Variants in DTNA observed in about 807,000 individuals in gnomAD.
DTNA encodes dystrobrevin alpha.
In DTNA, 43 loss-of-function variants were observed where a neutral mutation model predicts 100.7. That is an observed-to-expected ratio of 0.43 (90% CI 0.33 to 0.55). The LOEUF is 0.55. Ranked by LOEUF, DTNA falls within the 20% of genes least tolerant of loss-of-function variation. The probability of loss-of-function intolerance (pLI) is 0.04; values close to 1 mark genes in which losing one functional copy is unlikely to be tolerated. For synonymous variants in DTNA, 349 were observed against 347.9 expected, an observed-to-expected ratio of 1.00 and a Z score of -0.04; for missense variants, 798 against 953.9, an observed-to-expected ratio of 0.84 and a Z score of 2.15.
chr18:34,750,141 C>G (rs892087191), intron 1 of DTNA, among the ~76,000 whole-genome samples: 4 of 152,202 alleles, frequency 2.6e-5, no homozygotes, highest in African/African-American at 7.2e-5. Flanking sequence ...AACCCAAAGT[C>G]TGCTTAAGTG....
At chr18:34,761,126 TCACACACACACA>T (rs6146260) in intron 2 of DTNA, among the ~76,000 whole-genome samples, 58 of 149,318 alleles carry the variant, frequency 3.9e-4, no homozygotes, top group South Asian at 6.4e-4. Flanking sequence ...CCTCCATCCT[TCACACACACACA>T]CACACACACA....
intron 1 of DTNA, among the ~76,000 whole-genome samples, chr18:34,569,825 G>A (rs908083021): frequency 9.9e-5 from 15 of 151,932 alleles, no homozygotes; most frequent in Admixed American, 2.0e-4. Context: ...ACATTATGGA[G>A]ACCAGTCTGC....
At chr18:34,639,072 C>T (rs187007752) in intron 1 of DTNA, among the ~76,000 whole-genome samples, 1 of 152,198 alleles carries the variant, frequency 6.6e-6, no homozygotes, top group Non-Finnish European at 1.5e-5. Context: ...AACTCCTGAC[C>T]TCAGGTGATC....
chr18:34,547,926 G>C (rs1214002903), intron 1 of DTNA, among the ~76,000 whole-genome samples: 1 of 152,120 alleles, frequency 6.6e-6, no homozygotes, highest in Non-Finnish European at 1.5e-5. Flanking sequence ...TGTTAACCCA[G>C]CCAGAATCTT....
intron 1 of DTNA, among the ~76,000 whole-genome samples, chr18:34,568,404 C>T (rs141992842): frequency 0.011 from 1,678 of 152,166 alleles, 39 homozygotes; most frequent in African/African-American, 0.039. Flanking sequence ...TCTTAGGTAA[C>T]GTGAGTTCCT....
chr18:34,555,939 C>G (rs1281087584), intron 1 of DTNA, among the ~76,000 whole-genome samples: 1 of 151,348 alleles, frequency 6.6e-6, no homozygotes, highest in Non-Finnish European at 1.5e-5. Flanking sequence ...GACTTTCTGT[C>G]TCGTTGATCT....
At chr18:34,496,784 G>A (rs2039288702) in intron 1 of DTNA, among the ~76,000 whole-genome samples, 1 of 152,212 alleles carries the variant, frequency 6.6e-6, no homozygotes, top group African/African-American at 2.4e-5. Context: ...ATGGAGGTCA[G>A]AACAAGATGC....
chr18:34,728,293 G>C (rs1401137213), intron 1 of DTNA, among the ~76,000 whole-genome samples: 5 of 152,060 alleles, frequency 3.3e-5, no homozygotes, highest in Non-Finnish European at 7.4e-5. Flanking sequence ...AAAAAACAAG[G>C]CCCACTTCTT....
At chr18:34,534,213 G>T (rs2043451555) in intron 1 of DTNA, among the ~76,000 whole-genome samples, 1 of 152,072 alleles carries the variant, frequency 6.6e-6, no homozygotes. Context: ...GCCGGGCATG[G>T]TGGTGCACTC....
chr18:34,549,882 G>C (rs1266984408), intron 1 of DTNA, among the ~76,000 whole-genome samples: 1 of 151,864 alleles, frequency 6.6e-6, no homozygotes, highest in Non-Finnish European at 1.5e-5. Flanking sequence ...CTGGTGATTT[G>C]TACATTTGGC....
chr18:34,752,179 C>A (rs1243364359), intron 1 of DTNA, among the ~76,000 whole-genome samples: 3 of 152,240 alleles, frequency 2.0e-5, no homozygotes, highest in Admixed American at 2.0e-4. Flanking sequence ...CCCTGTGGTA[C>A]ACATTAGTGT....
Position 34,884,902 on chromosome 18 carries a change from T to A in DTNA, c.*31+126T>A, listed in dbSNP as rs1198874542. ...TATGTGATAAAATACCCTCCTTAACTGCTGATATCGAAGAGTCGTCTCAGT... is the reference window on the plus strand; with the variant it reads ...TATGTGATAAAATACCCTCCTTAACAGCTGATATCGAAGAGTCGTCTCAGT... On this transcript the variant is annotated intron_variant, in intron 22 of 22. Transcript: ENST00000444659. 3 of 1,139,736 alleles carry A rather than the reference T, an allele frequency of 2.6e-6. No individual in the cohort carries two copies. In the African/African-American group the frequency reaches 4.6e-5, roughly 17 times the overall value. 70.6% of individuals were successfully genotyped at this position (1,139,736 alleles called of 1,614,324 possible).
chr18:34,835,154 A>C (rs905681913), intron 11 of DTNA, among the ~76,000 whole-genome samples: 2 of 152,206 alleles, frequency 1.3e-5, no homozygotes, highest in African/African-American at 4.8e-5. Context: ...GATGAGAAGA[A>C]GAATTTGAGG....
At chr18:34,650,611 C>CA (rs1402923555) in intron 1 of DTNA, among the ~76,000 whole-genome samples, 1 of 152,146 alleles carries the variant, frequency 6.6e-6, no homozygotes, top group African/African-American at 2.4e-5. Context: ...CCTTCAGGCA[C>CA]TCTGTTAGCA....
At chr18:34,865,168 G>A (rs2096681305) in intron 17 of DTNA, among the ~76,000 whole-genome samples, 1 of 152,186 alleles carries the variant, frequency 6.6e-6, no homozygotes, top group Admixed American at 6.5e-5. Flanking sequence ...TTGCGAGAGA[G>A]GGTCTCCCAA....
chr18:34,829,579 A>G, intron 11 of DTNA, 90 bp downstream of exon 11: 1 of 1,298,390 alleles, frequency 7.7e-7, no homozygotes, highest in East Asian at 2.6e-5. Context: ...AAATCCTCTC[A>G]TAGTACGTCT....
chr18:34,886,953 T>C (rs143364334), intron 22 of DTNA, among the ~76,000 whole-genome samples: 57 of 152,374 alleles, frequency 3.7e-4, no homozygotes, highest in African/African-American at 1.2e-3. Context: ...GTTTAGACTT[T>C]CTGGCTGTAC....
intron 11 of DTNA, among the ~76,000 whole-genome samples, chr18:34,829,795 A>T (rs1311375817): frequency 1.3e-5 from 2 of 152,232 alleles, no homozygotes; most frequent in African/African-American, 4.8e-5. Context: ...ATTTGCAAAA[A>T]ACCCAGATGG....
At chr18:34,636,141 A>G (rs2058644609) in intron 1 of DTNA, among the ~76,000 whole-genome samples, 3 of 152,164 alleles carry the variant, frequency 2.0e-5, no homozygotes, top group Admixed American at 1.3e-4. Context: ...TGAGGGTGAT[A>G]TTTAAGAAAA....
Sources: allele counts gnomAD v4.1 joint callset (sites outside exome capture counted in the v4.1 genomes callset), GRCh38; gene constraint gnomAD v4.1.1; transcripts MANE v1.5; gene names NCBI Gene and HGNC (gene_info 2026-07-23, HGNC 2026-07-21).